Variants in ASCC3 observed in about 807,000 individuals in gnomAD.
ASCC3 encodes ASC-1 complex subunit P200.
ASCC3 carries 158 observed loss-of-function variants against 256.3 expected under a neutral mutation model. The observed-to-expected ratio is 0.62, with a 90% CI of 0.54 to 0.70. The LOEUF (loss-of-function observed/expected upper bound fraction) is 0.70. Ranked by LOEUF, ASCC3 falls within the 30% of genes least tolerant of loss-of-function variation. The pLI, the probability that ASCC3 is intolerant of heterozygous loss-of-function variation, is 0.00. For missense variants in ASCC3, 2,259 were observed against 2,626.0 expected, an observed-to-expected ratio of 0.86 and a Z score of 3.05; for synonymous variants, 948 against 883.4, an observed-to-expected ratio of 1.07 and a Z score of -1.30.
chr6:100,848,294 T>A lies in ASCC3; in HGVS notation c.655A>T (p.Asn219Tyr). The change falls in exon 4 of 42, where the codon AAT becomes TAT. Residue 219 changes from asparagine to tyrosine, a missense_variant. Around this residue, in one of 2 missense-constraint regions of ASCC3, gnomAD observed 420 missense variants for 419.3 expected, o/e 1.00. Transcript: ENST00000369162. ...ACTTCACACCACAAAAAGGAGCCAT[T>A]TGTTTTTTCCACAGGCTTGAGTTCT... ...TPELKPVEKT[N>Y]GSFLWCEVEK... 1 of 1,614,108 alleles carries A rather than the reference T, an allele frequency of 6.2e-7. No homozygotes were observed. The highest frequency in any genetic ancestry group is 8.5e-7 in the Non-Finnish European group (1 of 1,180,010).
At chr6:100,679,522 C>T in intron 14 of ASCC3, 96 bp downstream of exon 14, 1 of 1,559,598 alleles carries the variant, frequency 6.4e-7, no homozygotes, top group Non-Finnish European at 8.8e-7. Context: ...GCAAAATTAA[C>T]TTCTTGGAAA....
chr6:100,813,742 C>G (rs1479593396), intron 4 of ASCC3, among the ~76,000 whole-genome samples: 19 of 151,814 alleles, frequency 1.3e-4, no homozygotes, highest in African/African-American at 4.4e-4. Context: ...TCAACAATAA[C>G]AGTCGGAGGG....
intron 36 of ASCC3, among the ~76,000 whole-genome samples, chr6:100,544,929 C>CATTTAGCAAA (rs1274090930): frequency 6.6e-6 from 1 of 152,022 alleles, no homozygotes; most frequent in East Asian, 1.9e-4. Flanking sequence ...GCAAATTTAA[C>CATTTAGCAAA]AATATATAAA....
chr6:100,855,522 A>T (rs1772902181), intron 3 of ASCC3, among the ~76,000 whole-genome samples: 1 of 152,194 alleles, frequency 6.6e-6, no homozygotes, highest in South Asian at 2.1e-4. Context: ...TTATAAAGTT[A>T]TCCAGCTTTT....
chr6:100,800,643 ATG>A, intron 5 of ASCC3, 139 bp from the exon 6 acceptor site: 1 of 700,666 alleles, frequency 1.4e-6, no homozygotes, highest in Non-Finnish European at 2.4e-6. Flanking sequence ...ATTCAATTAT[ATG>A]TTTTAAGGTG....
chr6:100,584,653 T>G (rs1771540011), intron 36 of ASCC3, among the ~76,000 whole-genome samples: 1 of 152,132 alleles, frequency 6.6e-6, no homozygotes, highest in African/African-American at 2.4e-5. Flanking sequence ...TTTTGCTCAT[T>G]AGTTTATGCA....
chr6:100,819,163 C>T (rs1428106549), intron 4 of ASCC3, among the ~76,000 whole-genome samples: 2 of 112,536 alleles, frequency 1.8e-5, no homozygotes, highest in African/African-American at 7.3e-5. Flanking sequence ...GGGAGCCTGT[C>T]GGGGGCTGGG....
intron 3 of ASCC3, among the ~76,000 whole-genome samples, chr6:100,851,458 A>G (rs1343915872): frequency 6.6e-6 from 1 of 152,218 alleles, no homozygotes; most frequent in Non-Finnish European, 1.5e-5. Context: ...TTGCCTTTAA[A>G]AAGTCCATTA....
At chr6:100,692,547 T>C (rs1053593500) in intron 13 of ASCC3, among the ~76,000 whole-genome samples, 1 of 152,082 alleles carries the variant, frequency 6.6e-6, no homozygotes, top group African/African-American at 2.4e-5. Flanking sequence ...CTATTGAAAA[T>C]TTCCTTAGGC....
chr6:100,794,001 C>T (rs573528347), intron 8 of ASCC3, among the ~76,000 whole-genome samples: 1 of 152,082 alleles, frequency 6.6e-6, no homozygotes, highest in South Asian at 2.1e-4. Context: ...TGCCTCATCC[C>T]CTCCTATTTA....
At chr6:100,865,805 C>T (rs1773447881) in intron 2 of ASCC3, among the ~76,000 whole-genome samples, 2 of 152,014 alleles carry the variant, frequency 1.3e-5, no homozygotes, top group South Asian at 4.1e-4. Flanking sequence ...TTCATTTCTT[C>T]GTATGTTCAA....
At position 100,864,053 on chromosome 6, in the gene ASCC3, G is replaced by T. The variant is rs754833465; in HGVS notation, c.241+11C>A. Reference sequence around the variant, plus strand: ...TCTTTAAAAAAAAAAAAGAAAAAAAGAAAACTATACCTATCTGCTTTGCAG... The same window carrying T: ...TCTTTAAAAAAAAAAAAGAAAAAAATAAAACTATACCTATCTGCTTTGCAG... On this transcript the variant is annotated intron_variant, in intron 3 of 41. Transcript: ENST00000369162. The T allele has an allele frequency of 5.4e-6, 8 of 1,493,962 alleles. No homozygotes were observed. The highest frequency in any genetic ancestry group is 7.2e-6 in the Non-Finnish European group (8 of 1,110,700). The allele number at this position is 1,493,962 out of a possible 1,614,324, so 92.5% of individuals were successfully genotyped here.
intron 30 of ASCC3, among the ~76,000 whole-genome samples, chr6:100,614,799 G>C (rs1343514493): frequency 6.6e-6 from 1 of 152,090 alleles, no homozygotes; most frequent in Non-Finnish European, 1.5e-5. Context: ...GAAATAATGA[G>C]TTATGAAATA....
At chr6:100,836,400 G>A (rs1771877212) in intron 4 of ASCC3, among the ~76,000 whole-genome samples, 2 of 152,036 alleles carry the variant, frequency 1.3e-5, no homozygotes, top group Non-Finnish European at 2.9e-5. Context: ...TATTAGCTAT[G>A]TTATGTTGAG....
chr6:100,732,917 C>T (rs1405761322), intron 10 of ASCC3, among the ~76,000 whole-genome samples: 1 of 152,002 alleles, frequency 6.6e-6, no homozygotes, highest in African/African-American at 2.4e-5. Context: ...CTCCATTTCC[C>T]TTCCATTTCC....
chr6:100,804,407 A>G (rs1770067089), intron 5 of ASCC3, among the ~76,000 whole-genome samples: 1 of 152,024 alleles, frequency 6.6e-6, no homozygotes, highest in African/African-American at 2.4e-5. Context: ...AAGTATATAT[A>G]TTTTTTCTTT....
At chr6:100,835,082 G>GA (rs77429395) in intron 4 of ASCC3, among the ~76,000 whole-genome samples, 3,040 of 136,704 alleles carry the variant, frequency 0.022, 62 homozygotes, top group African/African-American at 0.057. Flanking sequence ...AGCCTTCGAG[G>GA]AAAAAAAAAA....
intron 11 of ASCC3, among the ~76,000 whole-genome samples, chr6:100,724,298 A>G (rs1779519440): frequency 6.6e-6 from 1 of 151,514 alleles, no homozygotes; most frequent in Non-Finnish European, 1.5e-5. Context: ...AAAAAAAAAC[A>G]GGTTTGAGAA....
intron 10 of ASCC3, among the ~76,000 whole-genome samples, chr6:100,730,615 G>A (rs2132168): frequency 0.48 from 73,228 of 151,856 alleles, 17,672 homozygotes; most frequent in South Asian, 0.68. Flanking sequence ...TAAATTATAC[G>A]GATGTTTTAA....
Sources: gnomAD v4.1 joint callset for allele counts (sites outside exome capture counted in the v4.1 genomes callset) on GRCh38, gnomAD v4.1.1 for gene constraint, gnomAD v4.1.1 regional missense constraint, MANE v1.5 for transcripts, NCBI Gene and HGNC (gene_info 2026-07-23, HGNC 2026-07-21) for gene names.